The following TMED3 variants were observed in gnomAD, a reference collection of about 807,000 sequenced individuals.
The protein encoded by TMED3 is transmembrane p24 trafficking protein 3.
A neutral mutation model predicts 15.0 loss-of-function variants in TMED3; 9 were observed. The observed-to-expected ratio is 0.60, with a 90% CI of 0.36 to 1.04. TMED3 has a LOEUF of 1.04. Ranked by LOEUF, TMED3 falls within the 50% of genes least tolerant of loss-of-function variation. The pLI is 0.01. For missense variants in TMED3, 267 were observed against 278.9 expected (o/e 0.96, Z 0.30); for synonymous variants, 117 against 121.4 (o/e 0.96, Z 0.24).
At chr15:79,400,875 A>G (rs2141257153) in intron 2 of TMED3, among the ~76,000 whole-genome samples, 1 of 152,326 alleles carries the variant, frequency 6.6e-6, no homozygotes, top group African/African-American at 2.4e-5. Context: ...GGTGACAGCT[A>G]TTATCATGAG....
At chr15:79,339,435 C>T (rs938425741) in intron 2 of TMED3, among the ~76,000 whole-genome samples, 6 of 152,306 alleles carry the variant, frequency 3.9e-5, no homozygotes, top group African/African-American at 4.8e-5. Flanking sequence ...TCTCCGCACA[C>T]GGGGAGAGAC....
rs535458521 is a variant in TMED3, at chr15:79,313,756, G to T, written c.169-1G>T. On this transcript the variant is annotated splice_acceptor_variant, in intron 1 of 2. Transcript: ENST00000299705. LOFTEE classifies it high-confidence loss of function. ...AACAGCAATTTTTTTATGGTTGTCA[G>T]GTCATCACTGGAGGCCACTACGATG... is the stretch of plus-strand genomic sequence containing the variant. 2.5e-6 allele frequency: 4 copies of T among 1,611,952 alleles called. No individual in the cohort carries two copies. Among genetic ancestry groups the T allele is most frequent in the East Asian group, 2.2e-5 (1 of 44,844 alleles).
chr15:79,413,392 C>T (rs1373939817), exon 3 of TMED3: 1 of 152,176 alleles, frequency 6.6e-6, no homozygotes, highest in Non-Finnish European at 1.5e-5. Context: ...TGCCACATGC[C>T]AGATGCTCTG....
chr15:79,378,708 G>A (rs1002476312), intron 2 of TMED3, among the ~76,000 whole-genome samples: 1 of 152,184 alleles, frequency 6.6e-6, no homozygotes, highest in Non-Finnish European at 1.5e-5. Flanking sequence ...AAAGGGGAAG[G>A]TTGTTGTAAA....
chr15:79,410,854 A>G (rs1322585105), intron 2 of TMED3, among the ~76,000 whole-genome samples: 2 of 152,206 alleles, frequency 1.3e-5, no homozygotes, highest in Non-Finnish European at 2.9e-5. Flanking sequence ...GTCTATCACA[A>G]TACATTTCCA....
At chr15:79,406,468 C>T (rs1893905287) in intron 2 of TMED3, among the ~76,000 whole-genome samples, 3 of 152,146 alleles carry the variant, frequency 2.0e-5, no homozygotes, top group Admixed American at 1.3e-4. Flanking sequence ...AGGGTGGGGG[C>T]CACAGTGGCA....
chr15:79,315,455 G>A lies in TMED3; in HGVS notation c.417+1450G>A, dbSNP rs117115658. ...ATTGTGTGTAAGATCTTTTGCAACCGATACTCATGAGAGTTCTGTTGGCCA... is the reference window on the plus strand; with the variant it reads ...ATTGTGTGTAAGATCTTTTGCAACCAATACTCATGAGAGTTCTGTTGGCCA... On this transcript the variant is annotated intron_variant, in intron 2 of 2. Transcript: ENST00000299705. Among the ~76,000 whole-genome samples the A allele has an allele frequency of 8.0e-3, 1,225 of 152,224 alleles. 6 individuals carry two copies. Among genetic ancestry groups the A allele is most frequent in the Non-Finnish European group, 0.014 (920 of 68,028 alleles).
intron 2 of TMED3, among the ~76,000 whole-genome samples, chr15:79,349,972 T>G (rs1274778207): frequency 1.3e-5 from 2 of 152,244 alleles, no homozygotes; most frequent in Non-Finnish European, 2.9e-5. Context: ...GTTTTACATG[T>G]ATCCCTCTCT....
intron 2 of TMED3, among the ~76,000 whole-genome samples, chr15:79,372,095 GGT>G (rs1228332275): frequency 1.3e-5 from 2 of 152,286 alleles, no homozygotes; most frequent in African/African-American, 4.8e-5. Context: ...TTAGCCTGTG[GGT>G]TAAAAGCAAG....
At chr15:79,339,738 T>TG (rs1395181938) in intron 2 of TMED3, among the ~76,000 whole-genome samples, 1 of 151,712 alleles carries the variant, frequency 6.6e-6, no homozygotes, top group Admixed American at 6.6e-5. Context: ...GTGGTGGTGA[T>TG]GACATGATGG....
At chr15:79,365,413 C>T (rs1486672019) in intron 2 of TMED3, among the ~76,000 whole-genome samples, 1 of 152,170 alleles carries the variant, frequency 6.6e-6, no homozygotes. Flanking sequence ...AAAAAGTATC[C>T]GAGACAGGTC....
At chr15:79,315,659 T>G (rs1265246449) in intron 2 of TMED3, among the ~76,000 whole-genome samples, 3 of 152,136 alleles carry the variant, frequency 2.0e-5, no homozygotes, top group Non-Finnish European at 4.4e-5. Context: ...AAAGAGTGAT[T>G]TATGCTTCCC....
intron 2 of TMED3, among the ~76,000 whole-genome samples, chr15:79,317,033 A>G (rs1232795171): frequency 4.6e-5 from 7 of 152,114 alleles, no homozygotes; most frequent in Non-Finnish European, 1.0e-4. Flanking sequence ...TCGGGGATGT[A>G]TTGCTCTGGG....
chr15:79,311,804 G>C (rs2058716175), intron 1 of TMED3, among the ~76,000 whole-genome samples: 1 of 152,124 alleles, frequency 6.6e-6, no homozygotes, highest in Non-Finnish European at 1.5e-5. Context: ...GTGCCTTCGA[G>C]TACTGAAAAA....
chr15:79,335,655 T>C (rs181498910), intron 2 of TMED3, among the ~76,000 whole-genome samples: 32 of 152,288 alleles, frequency 2.1e-4, no homozygotes, highest in African/African-American at 7.0e-4. Flanking sequence ...AAGCATTTCA[T>C]CCATTAAAAT....
chr15:79,345,982 G>T (rs751699263), intron 2 of TMED3, among the ~76,000 whole-genome samples: 2 of 151,944 alleles, frequency 1.3e-5, no homozygotes, highest in South Asian at 2.1e-4. Flanking sequence ...TCATTTTCCC[G>T]CTTCTTAATG....
intron 2 of TMED3, among the ~76,000 whole-genome samples, chr15:79,398,478 G>A (rs1186670926): frequency 6.6e-6 from 1 of 152,100 alleles, no homozygotes; most frequent in Non-Finnish European, 1.5e-5. Flanking sequence ...AAAGCCAGTG[G>A]TGTAGTTTGA....
chr15:79,370,906 C>G (rs1893326667), intron 2 of TMED3, among the ~76,000 whole-genome samples: 1 of 152,162 alleles, frequency 6.6e-6, no homozygotes, highest in African/African-American at 2.4e-5. Flanking sequence ...CTTTCATTGC[C>G]TGAATACACA....
At chr15:79,359,828 C>T (rs1489233630) in intron 2 of TMED3, among the ~76,000 whole-genome samples, 1 of 152,120 alleles carries the variant, frequency 6.6e-6, no homozygotes, top group Admixed American at 6.5e-5. Flanking sequence ...CCTGGAATAG[C>T]GAAAGCCCTA....
Sources: gnomAD v4.1 joint callset for allele counts (sites outside exome capture counted in the v4.1 genomes callset) on GRCh38, gnomAD v4.1.1 for gene constraint, MANE v1.5 for transcripts, NCBI Gene and HGNC (gene_info 2026-07-23, HGNC 2026-07-21) for gene names.